NAALADL2: variants seen among roughly 807,000 people sequenced by gnomAD.
NAALADL2 encodes inactive N-acetylated-alpha-linked acidic dipeptidase-like protein 2.
Under a neutral mutation model 87.2 loss-of-function variants are expected in NAALADL2, and 76 were observed. That is an observed-to-expected ratio of 0.87 (90% CI 0.72 to 1.05). The LOEUF (loss-of-function observed/expected upper bound fraction) is 1.05, where lower values mean the gene tolerates loss of function less well. Ranked by LOEUF, NAALADL2 falls within the 50% of genes least tolerant of loss-of-function variation. NAALADL2 has a pLI of 0.00. For synonymous variants in NAALADL2, 354 were observed against 331.0 expected, an observed-to-expected ratio of 1.07 and a Z score of -0.75; for missense variants, 1,089 against 945.8, an observed-to-expected ratio of 1.15 and a Z score of -1.99.
intron 10 of NAALADL2, among the ~76,000 whole-genome samples, chr3:175,619,606 T>G (rs940857208): frequency 1.3e-5 from 2 of 151,974 alleles, no homozygotes; most frequent in African/African-American, 4.8e-5. Context: ...CTTCTAAGAA[T>G]AGACAGAAAC....
intron 2 of NAALADL2, among the ~76,000 whole-genome samples, chr3:175,220,713 AT>A (rs993013711): frequency 2.6e-5 from 4 of 151,622 alleles, no homozygotes; most frequent in African/African-American, 9.7e-5. Flanking sequence ...TATTATTTTT[AT>A]TTCCTTTTTA....
intron 1 of NAALADL2, among the ~76,000 whole-genome samples, chr3:174,926,119 C>T (rs1735988512): frequency 6.6e-6 from 1 of 151,756 alleles, no homozygotes; most frequent in South Asian, 2.1e-4. Flanking sequence ...GTTTGAAGAT[C>T]AAATGAATGA....
chr3:174,772,738 T>C (rs959956241), intron 3 of NAALADL2, among the ~76,000 whole-genome samples: 2 of 152,090 alleles, frequency 1.3e-5, no homozygotes, highest in African/African-American at 4.8e-5. Flanking sequence ...AATGATATAG[T>C]AGGTGAAAGT....
At chr3:174,856,056 G>C (rs1725837923), upstream of NAALADL2, among the ~76,000 whole-genome samples, 1 of 151,322 alleles carries the variant, frequency 6.6e-6, no homozygotes, top group African/African-American at 2.4e-5. Flanking sequence ...ACTCAGGCTG[G>C]AGTCCAGTGG....
At chr3:175,148,024 T>A (rs779306154) in intron 2 of NAALADL2, among the ~76,000 whole-genome samples, 3 of 150,612 alleles carry the variant, frequency 2.0e-5, no homozygotes, top group Non-Finnish European at 4.4e-5. Context: ...GAGCCGAGAC[T>A]GGGCCATTGC....
rs527457261 is a variant in NAALADL2 at position 174,753,381 on chromosome 3, C to T, written c.-9+15635C>T. ...ATGAGCCACTGCTCCTGGTGATCCC[C>T]TTTTTTTCTTAAGGATTTTATTCTA... On this transcript the variant is annotated intron_variant, in intron 3 of 3. Coordinates refer to the NAALADL2 transcript ENST00000434257. Among the ~76,000 whole-genome samples the T allele has an allele frequency of 2.1e-3, 325 of 152,256 alleles. 1 individual carries two copies. The highest frequency in any genetic ancestry group is 7.1e-3 in the African/African-American group (297 of 41,552).
At chr3:174,550,014 T>A (rs532863768) in intron 1 of NAALADL2, among the ~76,000 whole-genome samples, 1 of 152,272 alleles carries the variant, frequency 6.6e-6, no homozygotes, top group South Asian at 2.1e-4. Context: ...TATACTAAGA[T>A]CAGGACAATT....
intron 4 of NAALADL2, among the ~76,000 whole-genome samples, chr3:175,313,685 A>G (rs942729507): frequency 6.6e-6 from 1 of 152,182 alleles, no homozygotes; most frequent in Non-Finnish European, 1.5e-5. Flanking sequence ...AAATGGCAAT[A>G]ACAGCATCCT....
intron 2 of NAALADL2, among the ~76,000 whole-genome samples, chr3:174,559,751 G>T (rs1713351897): frequency 6.6e-6 from 1 of 152,050 alleles, no homozygotes; most frequent in African/African-American, 2.4e-5. Flanking sequence ...CTTTTATAAG[G>T]GTGGTAATTC....
intron 2 of NAALADL2, among the ~76,000 whole-genome samples, chr3:174,729,428 C>T (rs970750987): frequency 2.6e-5 from 4 of 151,952 alleles, no homozygotes; most frequent in African/African-American, 4.8e-5. Context: ...CAAGGCCAGA[C>T]TTTGAGTCCA....
intron 11 of NAALADL2, among the ~76,000 whole-genome samples, chr3:175,650,301 A>G (rs2149786325): frequency 6.6e-6 from 1 of 152,314 alleles, no homozygotes; most frequent in Middle Eastern, 3.4e-3. Flanking sequence ...AGGTTGTCCA[A>G]GACTAGGTCT....
chr3:174,830,369 A>G (rs544617638), intron 3 of NAALADL2, among the ~76,000 whole-genome samples: 1 of 152,302 alleles, frequency 6.6e-6, no homozygotes, highest in East Asian at 1.9e-4. Context: ...TTTATTAAAC[A>G]GGGAATCCTT....
intron 2 of NAALADL2, among the ~76,000 whole-genome samples, chr3:175,107,270 A>G (rs1364517534): frequency 3.3e-5 from 5 of 152,038 alleles, no homozygotes; most frequent in African/African-American, 4.8e-5. Context: ...ATTACCATCC[A>G]TAATGTGGGT....
intron 2 of NAALADL2, among the ~76,000 whole-genome samples, chr3:174,570,894 G>A (rs1714844672): frequency 6.6e-6 from 1 of 152,132 alleles, no homozygotes; most frequent in African/African-American, 2.4e-5. Context: ...CTTTAACTCA[G>A]CATTTTCCTA....
chr3:174,835,183 G>A (rs1723184268), intron 3 of NAALADL2, among the ~76,000 whole-genome samples: 3 of 151,854 alleles, frequency 2.0e-5, no homozygotes, highest in Non-Finnish European at 4.4e-5. Context: ...AAATAACTAG[G>A]GGAAACAATA....
At chr3:175,052,736 T>G (rs1034076382) in intron 1 of NAALADL2, among the ~76,000 whole-genome samples, 4 of 152,228 alleles carry the variant, frequency 2.6e-5, no homozygotes, top group Non-Finnish European at 5.9e-5. Context: ...ACTTTTTTAT[T>G]CTTTCCCAAA....
At chr3:174,725,439 A>G (rs539378689) in intron 2 of NAALADL2, among the ~76,000 whole-genome samples, 70 of 152,252 alleles carry the variant, frequency 4.6e-4, no homozygotes, top group South Asian at 4.1e-3. Context: ...GTCATCTTGA[A>G]TATATATTTG....
intron 1 of NAALADL2, among the ~76,000 whole-genome samples, chr3:174,871,291 A>G (rs999023118): frequency 9.2e-5 from 14 of 152,204 alleles, no homozygotes; most frequent in African/African-American, 3.4e-4. Flanking sequence ...ATAAAAAATG[A>G]TACACCACAT....
chr3:174,668,425 C>G (rs58839369), intron 2 of NAALADL2, among the ~76,000 whole-genome samples: 12,563 of 87,544 alleles, frequency 0.14, 744 homozygotes, highest in East Asian at 0.45. Flanking sequence ...AATTTGAGGT[C>G]TTTTTTTTAT....
Sources: gnomAD v4.1 joint callset for allele counts (sites outside exome capture counted in the v4.1 genomes callset) on GRCh38, gnomAD v4.1.1 for gene constraint, MANE v1.5 for transcripts, NCBI Gene and HGNC (gene_info 2026-07-23, HGNC 2026-07-21) for gene names.